Variants in PCDHA1 observed in about 807,000 individuals in gnomAD.
The protein encoded by PCDHA1 is protocadherin alpha 1.
PCDHA1 carries 42 observed loss-of-function variants against 61.3 expected under a neutral mutation model. The observed-to-expected ratio is 0.69, with a 90% CI of 0.54 to 0.89. PCDHA1 has a LOEUF of 0.89. Among genes scored for constraint, PCDHA1 ranks in the 40% least tolerant of loss-of-function variants. The probability of loss-of-function intolerance (pLI) is 0.00; values close to 1 mark genes in which losing one functional copy is unlikely to be tolerated. For synonymous variants in PCDHA1, 610 were observed against 553.8 expected (o/e 1.10, Z -1.43); for missense variants, 1,256 against 1,235.3 (o/e 1.02, Z -0.25).
chr5:140,877,037 C>T lies in PCDHA1; in HGVS notation c.2394+88353C>T, dbSNP rs782624599. ...AGCGGCAAGGTGTACGCGCTGCAGC[C>T]GCTAGACCACGAGGAGCTGGAGCTG... On this transcript the variant is annotated intron_variant, in intron 1 of 3. Transcript: ENST00000504120. 6.8e-6 allele frequency: 11 copies of T among 1,612,374 alleles called. No individual in the cohort carries two copies. Among genetic ancestry groups the T allele is most frequent in the Admixed American group, 5.0e-5 (3 of 59,998 alleles).
At chr5:140,823,637 T>A (rs17844297) in intron 1 of PCDHA1, 1 of 1,613,892 alleles carries the variant, frequency 6.2e-7, no homozygotes, top group East Asian at 2.2e-5. Flanking sequence ...CGCATCCCGT[T>A]CCGCGTGGGG....
chr5:140,910,528 T>A (rs2153515102), intron 1 of PCDHA1, among the ~76,000 whole-genome samples: 1 of 152,314 alleles, frequency 6.6e-6, no homozygotes, highest in African/African-American at 2.4e-5. Flanking sequence ...GGTACTCCCC[T>A]CACAAATCTA....
chr5:140,921,228 T>G (rs1401455945), intron 1 of PCDHA1, among the ~76,000 whole-genome samples: 11 of 152,154 alleles, frequency 7.2e-5, no homozygotes, highest in African/African-American at 2.7e-4. Context: ...TTTTGCTAGA[T>G]GATATTAAGC....
At chr5:140,927,004 A>C (rs1194923615) in intron 1 of PCDHA1, 1 of 1,612,238 alleles carries the variant, frequency 6.2e-7, no homozygotes, top group Non-Finnish European at 8.5e-7. Flanking sequence ...AGCCGTAGGC[A>C]ATCTCTCCGC....
At chr5:140,854,746 A>G (rs1562496146) in intron 1 of PCDHA1, 1 of 149,836 alleles carries the variant, frequency 6.7e-6, no homozygotes, top group Non-Finnish European at 1.5e-5. Context: ...CAGCACAGAT[A>G]TATTACATTT....
intron 2 of PCDHA1, among the ~76,000 whole-genome samples, chr5:140,981,266 A>C (rs1355658823): frequency 6.6e-6 from 1 of 152,166 alleles, no homozygotes; most frequent in Non-Finnish European, 1.5e-5. Context: ...AAGATAAGCA[A>C]ATGTCTAGTT....
At chr5:140,934,163 G>A (rs2153618590) in intron 1 of PCDHA1, among the ~76,000 whole-genome samples, 1 of 152,110 alleles carries the variant, frequency 6.6e-6, no homozygotes, top group Non-Finnish European at 1.5e-5. Flanking sequence ...ATTTCAGTGT[G>A]CAACAGAAGT....
chr5:140,976,505 C>A (rs538128648), intron 1 of PCDHA1, among the ~76,000 whole-genome samples: 1 of 152,004 alleles, frequency 6.6e-6, no homozygotes, highest in Non-Finnish European at 1.5e-5. Flanking sequence ...GAGCCAAGAT[C>A]GCGCCACTGC....
In PCDHA1 at chr5:140,807,152, C is replaced by T. The variant is rs568894389; in HGVS notation, c.2394+18468C>T. Reference sequence around the variant, plus strand: ...AAAGATTTCCCTTGACTTTGAGAAACGATATTTAATCAGAACAAAATACTG... The same window carrying T: ...AAAGATTTCCCTTGACTTTGAGAAATGATATTTAATCAGAACAAAATACTG... On this transcript the variant is annotated intron_variant, in intron 1 of 3. Coordinates refer to ENST00000504120, the MANE Select transcript of PCDHA1 (RefSeq NM_018900.4). The T allele has an allele frequency of 1.6e-5, 26 of 1,579,496 alleles. No homozygotes were observed. In the East Asian group the frequency reaches 5.6e-4, roughly 34 times the overall value.
At chr5:140,908,728 C>T (rs2074119712) in intron 1 of PCDHA1, among the ~76,000 whole-genome samples, 1 of 152,202 alleles carries the variant, frequency 6.6e-6, no homozygotes, top group Non-Finnish European at 1.5e-5. Context: ...GGTCATATGG[C>T]TCGAGAAACA....
At chr5:140,796,199 C>T in intron 1 of PCDHA1, 1 of 1,614,212 alleles carries the variant, frequency 6.2e-7, no homozygotes, top group Non-Finnish European at 8.5e-7. Context: ...CTGGACAGCG[C>T]CCTGGACCGC....
intron 1 of PCDHA1, chr5:140,804,908 T>A: frequency 1.1e-6 from 1 of 874,672 alleles, no homozygotes; most frequent in Non-Finnish European, 1.6e-6. Context: ...TTCCATTTTC[T>A]TTATTTCCTT....
At position 140,829,352 on chromosome 5, in the gene PCDHA1, T is replaced by A; in HGVS notation, c.2394+40668T>A. 12 of 1,614,230 alleles carry A rather than the reference T, an allele frequency of 7.4e-6. No individual in the cohort carries two copies. Among genetic ancestry groups the A allele is most frequent in the Non-Finnish European group, 1.0e-5 (12 of 1,180,050 alleles). On this transcript the variant is annotated intron_variant, in intron 1 of 3. Transcript: ENST00000504120. ...CCTGGACCGCGAGAGCGTGTCGGCC[T>A]ATGAGTTGGTGGTAACCGCGCGGGA...
At chr5:140,882,944 G>A (rs2059374287) in intron 1 of PCDHA1, 2 of 1,614,088 alleles carry the variant, frequency 1.2e-6, no homozygotes, top group Non-Finnish European at 8.5e-7. Flanking sequence ...GACTGGCACA[G>A]TTCAGCTGCT....
chr5:140,863,256 C>T (rs761621534), intron 1 of PCDHA1: 6 of 1,442,182 alleles, frequency 4.2e-6, no homozygotes, highest in Non-Finnish European at 4.7e-6. Flanking sequence ...GCGTCGAGGT[C>T]CGGGAGGCAG....
intron 1 of PCDHA1, among the ~76,000 whole-genome samples, chr5:140,806,523 G>A (rs1554123633): frequency 1.3e-5 from 2 of 152,126 alleles, no homozygotes; most frequent in South Asian, 4.1e-4. Flanking sequence ...AAATGCTGAT[G>A]GTCTTTGATC....
At chr5:140,868,200 T>G (rs1280989116) in intron 1 of PCDHA1, 4 of 152,156 alleles carry the variant, frequency 2.6e-5, no homozygotes, top group African/African-American at 9.6e-5. Flanking sequence ...ATGGCTTACA[T>G]TAGAAATAAT....
intron 1 of PCDHA1, among the ~76,000 whole-genome samples, chr5:140,942,139 A>G (rs1211983428): frequency 6.6e-6 from 1 of 152,248 alleles, no homozygotes; most frequent in African/African-American, 2.4e-5. Flanking sequence ...TTGTGGCTTT[A>G]CTTGACATAA....
intron 1 of PCDHA1, chr5:140,850,536 C>A (rs1342459599): frequency 1.9e-6 from 3 of 1,598,178 alleles, no homozygotes; most frequent in East Asian, 2.2e-5. Context: ...GTCATCGTCG[C>A]GGGCGTCAGT....
Sources: gnomAD v4.1 joint callset for allele counts (sites outside exome capture counted in the v4.1 genomes callset) on GRCh38, gnomAD v4.1.1 for gene constraint, MANE v1.5 for transcripts, NCBI Gene and HGNC (gene_info 2026-07-23, HGNC 2026-07-21) for gene names.